The following SNTG2 variants were observed in gnomAD, a reference collection of about 807,000 sequenced individuals.
SNTG2 encodes the protein gamma-2-syntrophin.
A neutral mutation model predicts 70.9 loss-of-function variants in SNTG2; 74 were observed. The ratio of observed to expected loss-of-function variants is 1.04; its 90% CI spans 0.86 to 1.27. The LOEUF (loss-of-function observed/expected upper bound fraction) is 1.27, where lower values mean the gene tolerates loss of function less well. Among genes scored for constraint, SNTG2 ranks in the 50% most tolerant of loss-of-function variants. The pLI, the probability that SNTG2 is intolerant of heterozygous loss-of-function variation, is 0.00. For missense variants in SNTG2, 717 were observed against 690.7 expected (o/e 1.04, Z -0.43); for synonymous variants, 278 against 273.8 (o/e 1.02, Z -0.15).
At chr2:1,169,681 T>A (rs1308790135) in intron 7 of SNTG2, among the ~76,000 whole-genome samples, 2 of 152,094 alleles carry the variant, frequency 1.3e-5, no homozygotes, top group Non-Finnish European at 2.9e-5. Flanking sequence ...CCATTGCCAG[T>A]CACATAGTGA....
At chr2:1,275,242 A>G (rs7606172) in intron 14 of SNTG2, among the ~76,000 whole-genome samples, 46,533 of 152,132 alleles carry the variant, frequency 0.31, 8,027 homozygotes, top group African/African-American at 0.47. Context: ...TACCTCGGCA[A>G]CTACAGACTC....
At position 1,165,677 on chromosome 2, in the gene SNTG2, C is replaced by A. The variant is rs559369606; in HGVS notation, c.499+42C>A. 9.4e-6 allele frequency: 14 copies of A among 1,496,262 alleles called. No individual in the cohort carries two copies. The South Asian group carries it at 1.7e-4, about 18-fold the overall frequency. 92.7% of individuals were successfully genotyped at this position (1,496,262 alleles called of 1,614,324 possible). A position where few individuals can be genotyped will look rare whatever the true frequency, so the allele number is the denominator to read the frequency against. On this transcript the variant is annotated intron_variant, in intron 7 of 16. Coordinates refer to ENST00000308624, the MANE Select transcript of SNTG2 (RefSeq NM_018968.4). Reference sequence around the variant, plus strand: ...GAAATGCCAGGGTGCTGGAGAAATTCCTTTCTTGCCACATTATTTATCCAA... The same window carrying A: ...GAAATGCCAGGGTGCTGGAGAAATTACTTTCTTGCCACATTATTTATCCAA...
chr2:1,342,492 C>T (rs1330158889), intron 16 of SNTG2, among the ~76,000 whole-genome samples: 1 of 31,922 alleles, frequency 3.1e-5, no homozygotes, highest in African/African-American at 1.6e-4. Context: ...GTTCTGGGCA[C>T]GCCTGGCCCA....
intron 1 of SNTG2, among the ~76,000 whole-genome samples, chr2:1,004,074 C>T (rs1486111339): frequency 6.6e-6 from 1 of 152,126 alleles, no homozygotes; most frequent in East Asian, 1.9e-4. Context: ...ATATTTATAC[C>T]TATACAGAAT....
At position 1,036,093 on chromosome 2, in the gene SNTG2, G is replaced by A. The variant is rs1661113177; in HGVS notation, c.73-47425G>A. ...AGGCTCATAAGATTTTTGTCTCTTG[G>A]TTTTTCTAGGTGATTTTTAACTTAC... On this transcript the variant is annotated intron_variant, in intron 1 of 16. Coordinates refer to ENST00000308624, the MANE Select transcript of SNTG2 (RefSeq NM_018968.4). Among the ~76,000 whole-genome samples the A allele has an allele frequency of 2.0e-5, 3 of 152,092 alleles. No homozygotes were observed. The South Asian group carries it at 6.2e-4, about 31-fold the overall frequency.
At chr2:951,450 G>C (rs1195414823) in intron 1 of SNTG2, among the ~76,000 whole-genome samples, 2 of 152,110 alleles carry the variant, frequency 1.3e-5, no homozygotes, top group African/African-American at 4.8e-5. Context: ...GCGGTGGCTC[G>C]GACCGGAGCG....
chr2:1,111,304 A>G (rs1475608799), intron 4 of SNTG2, among the ~76,000 whole-genome samples: 1 of 152,230 alleles, frequency 6.6e-6, no homozygotes, highest in Non-Finnish European at 1.5e-5. Context: ...CGTGCTGTGC[A>G]CTGCAGGTCA....
At chr2:1,340,062 C>G (rs1660007922) in intron 16 of SNTG2, among the ~76,000 whole-genome samples, 1 of 152,252 alleles carries the variant, frequency 6.6e-6, no homozygotes, top group Admixed American at 6.5e-5. Flanking sequence ...CCGAGGCACT[C>G]GCCTCCCTCT....
chr2:1,055,855 G>C (rs1460838682), intron 1 of SNTG2, among the ~76,000 whole-genome samples: 1 of 152,208 alleles, frequency 6.6e-6, no homozygotes, highest in Non-Finnish European at 1.5e-5. Flanking sequence ...TTGATGTGCA[G>C]AATGAGCAGG....
chr2:1,354,842 C>T (rs1425073835), intron 16 of SNTG2, among the ~76,000 whole-genome samples: 2 of 152,214 alleles, frequency 1.3e-5, no homozygotes, highest in East Asian at 3.9e-4. Context: ...TACTTTGGGA[C>T]TTTACAGCAG....
intron 6 of SNTG2, among the ~76,000 whole-genome samples, chr2:1,142,185 C>T (rs1325403531): frequency 1.3e-5 from 2 of 152,176 alleles, no homozygotes; most frequent in Admixed American, 1.3e-4. Flanking sequence ...GATTTTTCAC[C>T]TACGCAAATC....
intron 8 of SNTG2, among the ~76,000 whole-genome samples, chr2:1,178,848 G>C (rs892815232): frequency 3.9e-5 from 6 of 152,094 alleles, no homozygotes; most frequent in African/African-American, 1.4e-4. Context: ...CCCTCTTTTT[G>C]TATTGACTGG....
intron 1 of SNTG2, among the ~76,000 whole-genome samples, chr2:1,014,930 C>G (rs1217503218): frequency 6.6e-6 from 1 of 151,974 alleles, no homozygotes; most frequent in African/African-American, 2.4e-5. Flanking sequence ...TGGCTAGAAC[C>G]CGAGGGGCAG....
intron 9 of SNTG2, among the ~76,000 whole-genome samples, chr2:1,220,663 T>C (rs910996403): frequency 1.3e-5 from 2 of 152,246 alleles, no homozygotes; most frequent in Non-Finnish European, 2.9e-5. Context: ...GGTGTTCATG[T>C]TGACAGAAAG....
In SNTG2 at chr2:1,275,617, C is replaced by G. The variant is rs116164310; in HGVS notation, c.1284+8046C>G. Among the ~76,000 whole-genome samples the G allele has an allele frequency of 4.5e-3, 692 of 152,302 alleles. 7 individuals are homozygous for G. The highest frequency in any genetic ancestry group is 0.016 in the African/African-American group (656 of 41,562). ...CGTTTTCTCATCTCTCTTCCTCTCC[C>G]TGGGCCTCCTCATTCCACGAGACAT... On this transcript the variant is annotated intron_variant, in intron 14 of 16. Coordinates refer to ENST00000308624, the MANE Select transcript of SNTG2 (RefSeq NM_018968.4).
At chr2:984,929 T>C (rs1661254947) in intron 1 of SNTG2, among the ~76,000 whole-genome samples, 4 of 151,904 alleles carry the variant, frequency 2.6e-5, no homozygotes, top group Non-Finnish European at 5.9e-5. Context: ...ATGAACCTAT[T>C]TGTTTCTTTT....
At position 1,359,232 on chromosome 2, in the gene SNTG2, G is replaced by A. The variant is rs147065327; in HGVS notation, c.1489-8111G>A. Among the ~76,000 whole-genome samples the A allele has an allele frequency of 2.4e-4, 37 of 152,094 alleles. No individual in the cohort carries two copies. In the East Asian group the frequency reaches 5.8e-3, roughly 24 times the overall value. On this transcript the variant is annotated intron_variant, in intron 16 of 16. Coordinates refer to ENST00000308624, the MANE Select transcript of SNTG2 (RefSeq NM_018968.4). ...ATATGAAACATAGTTTGTGTTCACC[G>A]AACTATCAGAAATCAAAGGTGTCAG...
At chr2:1,011,384 G>A (rs983032017) in intron 1 of SNTG2, among the ~76,000 whole-genome samples, 5 of 152,254 alleles carry the variant, frequency 3.3e-5, no homozygotes, top group East Asian at 1.9e-4. Flanking sequence ...TCCTTTAACT[G>A]TTAAAAATCC....
chr2:1,182,360 CAAAAA>C (rs10587246), intron 8 of SNTG2, among the ~76,000 whole-genome samples: 5 of 122,058 alleles, frequency 4.1e-5, no homozygotes, highest in African/African-American at 1.7e-4. Flanking sequence ...TTAAAAATTT[CAAAAA>C]AAAAAAAAAA....
Sources: allele counts gnomAD v4.1 joint callset (sites outside exome capture counted in the v4.1 genomes callset), GRCh38; gene constraint gnomAD v4.1.1; transcripts MANE v1.5; gene names NCBI Gene and HGNC (gene_info 2026-07-23, HGNC 2026-07-21).